CDC23: variants seen among roughly 807,000 people sequenced by gnomAD.
The protein encoded by CDC23 is cell division cycle 23, also known as cell division cycle protein 23 homolog.
CDC23 carries 26 observed loss-of-function variants against 81.7 expected under a neutral mutation model. The ratio of observed to expected loss-of-function variants is 0.32; its 90% confidence interval spans 0.23 to 0.44. The LOEUF (loss-of-function observed/expected upper bound fraction) is 0.44, where lower values mean the gene tolerates loss of function less well. CDC23 is among the 20% of genes least tolerant of loss of function. CDC23 has a pLI of 1.00. For missense variants in CDC23, 519 were observed against 728.0 expected (o/e 0.71, Z 3.30); for synonymous variants, 267 against 270.8 (o/e 0.99, Z 0.14).
intron 9 of CDC23, among the ~76,000 whole-genome samples, chr5:138,195,395 C>G (rs1376281221): frequency 6.7e-6 from 1 of 148,528 alleles, no homozygotes; most frequent in Non-Finnish European, 1.5e-5. Context: ...GTAACTTGTC[C>G]AAGATTACAC....
chr5:138,197,813 C>T (rs1242363480), intron 9 of CDC23, among the ~76,000 whole-genome samples: 1 of 152,172 alleles, frequency 6.6e-6, no homozygotes, highest in Non-Finnish European at 1.5e-5. Flanking sequence ...TACATTTTTA[C>T]TATTTGCACA....
chr5:138,208,718 C>G (rs1033193257), intron 2 of CDC23, among the ~76,000 whole-genome samples: 2 of 152,036 alleles, frequency 1.3e-5, no homozygotes, highest in African/African-American at 2.4e-5. Context: ...CTGTTTCATT[C>G]TTGCTTATGG....
At chr5:138,190,362 G>A (rs1754812599) in intron 13 of CDC23, among the ~76,000 whole-genome samples, 1 of 151,848 alleles carries the variant, frequency 6.6e-6, no homozygotes. Context: ...GGAAGCTGGA[G>A]CAGGAGAATT....
intron 6 of CDC23, 71 bp downstream of exon 6, chr5:138,201,036 A>G (rs1435239421): frequency 1.3e-6 from 2 of 1,537,756 alleles, no homozygotes; most frequent in Admixed American, 2.1e-5. Flanking sequence ...AACTTTCCCC[A>G]CCCCTATATT....
rs138672600 is a variant in CDC23, at chr5:138,208,802, G to A, written c.235-2118C>T. Among the ~76,000 whole-genome samples the A allele has an allele frequency of 3.8e-3, 573 of 152,120 alleles. 3 individuals are homozygous for A. Among genetic ancestry groups the A allele is most frequent in the African/African-American group, 0.013 (539 of 41,516 alleles). ...TTAGCATTTGGCTGAGTTTTGTTTC[G>A]TTTTGAGACAGGATCTCACTCTGTC... On this transcript the variant is annotated intron_variant, in intron 2 of 15. Coordinates refer to ENST00000394886, the MANE Select transcript of CDC23 (RefSeq NM_004661.4).
In CDC23 at chr5:138,197,500, T is replaced by A. The variant is rs370766561; in HGVS notation, c.1012+699A>T. ...GTAACATGTAATACATATTTATTTT[T>A]TTTTTTTTTTTTTTGAGACGGAGTC... is the stretch of plus-strand genomic sequence containing the variant. On this transcript the variant is annotated intron_variant, in intron 9 of 15. Coordinates refer to ENST00000394886, the MANE Select transcript of CDC23 (RefSeq NM_004661.4). 1.7e-3 allele frequency among the ~76,000 whole-genome samples: 247 copies of A among 147,776 alleles called. 2 individuals are homozygous for A. Among genetic ancestry groups the A allele is most frequent in the East Asian group, 1.0e-2 (51 of 5,110 alleles).
intron 6 of CDC23, 79 bp downstream of exon 6, chr5:138,201,028 C>T (rs1254250920): frequency 1.3e-6 from 2 of 1,519,822 alleles, no homozygotes; most frequent in African/African-American, 2.8e-5. Flanking sequence ...CCTGCCAAAA[C>T]TTTCCCCACC....
intron 9 of CDC23, among the ~76,000 whole-genome samples, chr5:138,196,970 G>A (rs572205579): frequency 7.2e-6 from 1 of 139,180 alleles, no homozygotes; most frequent in East Asian, 2.1e-4. Context: ...GGCTGGACTC[G>A]AACCCTGGGC....
At chr5:138,189,525 T>C (rs1191820644) in intron 15 of CDC23, 108 bp downstream of exon 15, 3 of 1,063,298 alleles carry the variant, frequency 2.8e-6, no homozygotes, top group Non-Finnish European at 4.1e-6. Context: ...TCCCAAAGTG[T>C]TGGGATTATA....
At chr5:138,207,710 C>T (rs562968038) in intron 2 of CDC23, among the ~76,000 whole-genome samples, 2 of 152,234 alleles carry the variant, frequency 1.3e-5, no homozygotes, top group East Asian at 1.9e-4. Context: ...AATCCCAGCA[C>T]TGTGGGAGAC....
intron 6 of CDC23, chr5:138,200,822 A>G (rs192488620): frequency 4.4e-5 from 14 of 318,170 alleles, no homozygotes; most frequent in African/African-American, 2.8e-4. Context: ...TCCGTCTCAA[A>G]CAAAAACAAA....
At chr5:138,205,123 C>T (rs1210294197) in intron 3 of CDC23, among the ~76,000 whole-genome samples, 1 of 152,088 alleles carries the variant, frequency 6.6e-6, no homozygotes, top group Non-Finnish European at 1.5e-5. Context: ...CCATGCCGCC[C>T]GGGCTTCCTT....
At chr5:138,209,550 T>C (rs1755090395) in intron 2 of CDC23, among the ~76,000 whole-genome samples, 2 of 151,884 alleles carry the variant, frequency 1.3e-5, no homozygotes, top group Admixed American at 1.3e-4. Flanking sequence ...GCAAGCCGGG[T>C]GTGGTGGCTC....
intron 6 of CDC23, among the ~76,000 whole-genome samples, 197 bp from the exon 7 acceptor site, chr5:138,198,979 G>C (rs1443339773): frequency 6.6e-6 from 1 of 152,182 alleles, no homozygotes; most frequent in Non-Finnish European, 1.5e-5. Context: ...AGTTGGGAAA[G>C]GCTCCAAAGA....
Position 138,198,633 on chromosome 5 carries a change from T to C in CDC23, c.804A>G (p.Gln268=), listed in dbSNP as rs1355136791. ...TGATATTGTGATAGGCAACTGCAAT[T>C]TGGGAAACAATATACGAGCTCTTAG... ...GFSKSSYIVS[Q]IAVAYHNIRD... The change falls in exon 7 of 16, where the codon CAA becomes CAG. Residue 268 remains glutamine, a synonymous_variant. Coordinates refer to ENST00000394886, the MANE Select transcript of CDC23 (RefSeq NM_004661.4). 6.2e-7 allele frequency: 1 copy of C among 1,614,130 alleles called. No homozygotes were observed. Among genetic ancestry groups the C allele is most frequent in the South Asian group, 1.1e-5 (1 of 91,070 alleles).
At chr5:138,206,901 A>G (rs1057468422) in intron 2 of CDC23, among the ~76,000 whole-genome samples, 6 of 133,590 alleles carry the variant, frequency 4.5e-5, no homozygotes, top group Non-Finnish European at 6.2e-5. Context: ...TTTTTTTGAG[A>G]CAGAGCCTCA....
chr5:138,206,786 T>C, intron 2 of CDC23, 102 bp from the exon 3 acceptor site: 1 of 1,120,140 alleles, frequency 8.9e-7, no homozygotes, highest in East Asian at 2.5e-5. Flanking sequence ...AGAAAAAGGA[T>C]TGTTTTCTTC....
rs368352049 is a variant in CDC23, at chr5:138,198,673, A to T, written c.764T>A (p.Ile255Asn). Residue 255 changes from isoleucine to asparagine, a missense_variant, in exon 7 of 16, where the codon ATT (isoleucine) becomes AAT (asparagine). Ile to Asn is a moderately radical substitution (Grantham distance 149). This residue lies in a region of CDC23 where 180 missense variants were observed against 239.3 expected (regional missense o/e 0.75). Coordinates refer to ENST00000394886, the MANE Select transcript of CDC23 (RefSeq NM_004661.4). Reference sequence around the variant, plus strand: ...CGAGCTCTTAGAGAAGCCCACATCAATGAGATTCTGATACTTTTGCAGGGC... The same window carrying T: ...CGAGCTCTTAGAGAAGCCCACATCATTGAGATTCTGATACTTTTGCAGGGC... ...EEALQKYQNL[I>N]DVGFSKSSYI... is the part of the protein sequence containing the mutation. 4.3e-6 allele frequency: 7 copies of T among 1,614,174 alleles called. No homozygotes were observed. The South Asian group carries it at 7.7e-5, about 18-fold the overall frequency.
intron 6 of CDC23, 99 bp downstream of exon 6, chr5:138,201,008 T>C (rs1177555153): frequency 7.3e-7 from 1 of 1,371,454 alleles, no homozygotes; most frequent in Non-Finnish European, 1.0e-6. Flanking sequence ...GGGAGAACTA[T>C]AACCAAAGCC....
Sources: gnomAD v4.1 joint callset for allele counts (sites outside exome capture counted in the v4.1 genomes callset) on GRCh38, gnomAD v4.1.1 for gene constraint, gnomAD v4.1.1 regional missense constraint, MANE v1.5 for transcripts, NCBI Gene and HGNC (gene_info 2026-07-23, HGNC 2026-07-21) for gene names.